The following GMDS variants were observed in gnomAD, a reference collection of about 807,000 sequenced individuals.
GMDS encodes GDP-mannose 4,6-dehydratase.
In GMDS, 20 loss-of-function variants were observed where a neutral mutation model predicts 49.9. That is an observed-to-expected ratio of 0.40 (90% CI 0.28 to 0.58). GMDS has a LOEUF of 0.58. GMDS is among the 20% of genes least tolerant of loss of function. The pLI is 0.42. For missense variants in GMDS, 362 were observed against 481.4 expected, an observed-to-expected ratio of 0.75 and a Z score of 2.32; for synonymous variants, 177 against 178.6, an observed-to-expected ratio of 0.99 and a Z score of 0.07.
At chr6:1,802,754 A>G (rs758813381) in intron 7 of GMDS, among the ~76,000 whole-genome samples, 2 of 152,202 alleles carry the variant, frequency 1.3e-5, no homozygotes, top group Admixed American at 6.5e-5. Flanking sequence ...CCCCTCTAAC[A>G]TAAGTCTTCT....
chr6:1,974,868 TA>T (rs35807345), intron 4 of GMDS, among the ~76,000 whole-genome samples: 11 of 128,292 alleles, frequency 8.6e-5, no homozygotes, highest in East Asian at 4.5e-4. Flanking sequence ...CCGTCTCTAT[TA>T]AAAAAAAAAG....
At chr6:2,001,124 T>C (rs1766793324) in intron 4 of GMDS, among the ~76,000 whole-genome samples, 1 of 152,188 alleles carries the variant, frequency 6.6e-6, no homozygotes, top group African/African-American at 2.4e-5. Flanking sequence ...GTACGAGATT[T>C]CCAATTCTCT....
At chr6:2,068,617 C>T (rs1265786507) in intron 4 of GMDS, among the ~76,000 whole-genome samples, 1 of 151,916 alleles carries the variant, frequency 6.6e-6, no homozygotes, top group Admixed American at 6.6e-5. Flanking sequence ...TCTTATACAC[C>T]AACAACAGAC....
chr6:2,169,523 G>T (rs1360046040), intron 1 of GMDS, among the ~76,000 whole-genome samples: 1 of 149,604 alleles, frequency 6.7e-6, no homozygotes, highest in African/African-American at 2.5e-5. Flanking sequence ...CTGGAGAATC[G>T]ATTGAACCAA....
At chr6:1,889,090 A>G (rs1331938243) in intron 7 of GMDS, among the ~76,000 whole-genome samples, 1 of 152,124 alleles carries the variant, frequency 6.6e-6, no homozygotes, top group Non-Finnish European at 1.5e-5. Context: ...CTGTATTGTT[A>G]TTTTTTATTG....
intron 9 of GMDS, among the ~76,000 whole-genome samples, chr6:1,674,115 GT>G (rs1303472727): frequency 1.3e-5 from 2 of 150,440 alleles, no homozygotes; most frequent in Non-Finnish European, 3.0e-5. Context: ...TTCGTGCAAA[GT>G]GTCTAAACCT....
chr6:1,808,897 G>GCT lies in GMDS; in HGVS notation c.772-66313_772-66312dup, dbSNP rs575390530. 4.9e-3 allele frequency among the ~76,000 whole-genome samples: 616 copies of GCT among 126,436 alleles called. 5 individuals carry two copies. The highest frequency in any genetic ancestry group is 0.023 in the East Asian group (104 of 4,586). 82.9% of individuals were successfully genotyped at this position (126,436 alleles called of 152,430 possible). On this transcript the variant is annotated intron_variant, in intron 7 of 10. Coordinates refer to ENST00000380815, the MANE Select transcript of GMDS (RefSeq NM_001500.4). The stretch of plus-strand genomic sequence containing the variant: ...CTCAGACTTCTTTGCACTAGTGCAT[G>GCT]CTCTCTCTGTGTGTGTGTGTGTGTG...
chr6:1,863,803 A>T (rs777193204), intron 7 of GMDS, among the ~76,000 whole-genome samples: 11 of 152,216 alleles, frequency 7.2e-5, no homozygotes, highest in African/African-American at 2.7e-4. Flanking sequence ...AACATCTCAC[A>T]TACATGTACA....
At chr6:2,121,176 C>T (rs974566571) in intron 2 of GMDS, among the ~76,000 whole-genome samples, 2 of 152,176 alleles carry the variant, frequency 1.3e-5, no homozygotes, top group African/African-American at 4.8e-5. Context: ...TCCTTTGCCA[C>T]AGCGAGCTAA....
chr6:2,097,228 T>C (rs1351684098), intron 4 of GMDS, among the ~76,000 whole-genome samples: 1 of 152,202 alleles, frequency 6.6e-6, no homozygotes, highest in Non-Finnish European at 1.5e-5. Context: ...TTATATTTTA[T>C]TATTGTAGAT....
At chr6:2,095,903 G>A (rs1330051200) in intron 4 of GMDS, among the ~76,000 whole-genome samples, 1 of 152,170 alleles carries the variant, frequency 6.6e-6, no homozygotes, top group Non-Finnish European at 1.5e-5. Flanking sequence ...AAAAGGGGGA[G>A]AGAGGTTTGA....
chr6:1,646,198 C>T (rs1046893132), intron 9 of GMDS, among the ~76,000 whole-genome samples: 13 of 152,200 alleles, frequency 8.5e-5, no homozygotes, highest in African/African-American at 3.1e-4. Flanking sequence ...GTACCTCTGG[C>T]ACCCAGGCTT....
At chr6:1,877,132 C>T (rs1759108908) in intron 7 of GMDS, among the ~76,000 whole-genome samples, 1 of 151,962 alleles carries the variant, frequency 6.6e-6, no homozygotes, top group African/African-American at 2.4e-5. Flanking sequence ...GGAATGAATT[C>T]ACATAACATT....
At chr6:2,013,412 T>G (rs545616116) in intron 4 of GMDS, among the ~76,000 whole-genome samples, 290 of 151,992 alleles carry the variant, frequency 1.9e-3, no homozygotes, top group African/African-American at 6.5e-3. Context: ...AATGACAAGG[T>G]CATGACAAAA....
At chr6:2,095,251 C>T (rs1336468293) in intron 4 of GMDS, among the ~76,000 whole-genome samples, 8 of 152,100 alleles carry the variant, frequency 5.3e-5, no homozygotes. Context: ...GTGCATGCTT[C>T]AGGTATTACA....
intron 9 of GMDS, among the ~76,000 whole-genome samples, chr6:1,721,042 A>T (rs1766367464): frequency 6.6e-6 from 1 of 152,214 alleles, no homozygotes; most frequent in Non-Finnish European, 1.5e-5. Context: ...ACTGGCATTT[A>T]TATAAGTCCT....
At chr6:2,195,688 C>T (rs983885503) in intron 1 of GMDS, among the ~76,000 whole-genome samples, 1 of 151,690 alleles carries the variant, frequency 6.6e-6, no homozygotes, top group African/African-American at 2.4e-5. Context: ...ACAATGTAAA[C>T]CATGGCAACA....
rs867927814 is a variant in GMDS at position 1,959,952 on chromosome 6, G to A, written c.558C>T (p.Ala186=). 2 of 1,601,532 alleles carry A rather than the reference G, an allele frequency of 1.2e-6. No individual in the cohort carries two copies. The highest frequency in any genetic ancestry group is 1.7e-4 in the Middle Eastern group (1 of 6,024). ...CACGGAAGTTCACCACAATCCAATAGGCATAGAGTTTTGCTGCCCCTGTTG... is the reference window on the plus strand; with the variant it reads ...CACGGAAGTTCACCACAATCCAATAAGCATAGAGTTTTGCTGCCCCTGTTG... The part of the protein sequence containing the change: ...RSPYGAAKLY[A]YWIVVNFREA... Residue 186 remains alanine, a synonymous_variant, in exon 6 of 11, where the codon GCC becomes GCT. Coordinates refer to ENST00000380815, the MANE Select transcript of GMDS (RefSeq NM_001500.4).
At chr6:2,104,384 C>T (rs990587131) in intron 4 of GMDS, among the ~76,000 whole-genome samples, 1 of 152,172 alleles carries the variant, frequency 6.6e-6, no homozygotes, top group Admixed American at 6.5e-5. Context: ...AAGTATGAGA[C>T]ACAGGCAGCT....
Sources: gnomAD v4.1 joint callset for allele counts (sites outside exome capture counted in the v4.1 genomes callset) on GRCh38, gnomAD v4.1.1 for gene constraint, MANE v1.5 for transcripts, NCBI Gene and HGNC (gene_info 2026-07-23, HGNC 2026-07-21) for gene names.